The following MARK2 variants were observed in gnomAD, a reference collection of about 807,000 sequenced individuals.
MARK2 encodes serine/threonine-protein kinase MARK2.
Under a neutral mutation model 89.8 loss-of-function variants are expected in MARK2, and 16 were observed. The observed-to-expected ratio is 0.18, with a 90% CI of 0.12 to 0.27. The LOEUF (loss-of-function observed/expected upper bound fraction) is 0.27. Among genes scored for constraint, MARK2 ranks in the 10% least tolerant of loss-of-function variants. MARK2 has a pLI of 1.00. For synonymous variants in MARK2, 382 were observed against 399.5 expected, an observed-to-expected ratio of 0.96 and a Z score of 0.52; for missense variants, 621 against 1,049.9, an observed-to-expected ratio of 0.59 and a Z score of 5.65.
Position 63,902,796 on chromosome 11 carries a change from C to A in MARK2, c.1416+14C>A, listed in dbSNP as rs1275905101. 4 of 1,598,782 alleles carry A rather than the reference C, an allele frequency of 2.5e-6. No homozygotes were observed. Among genetic ancestry groups the A allele is most frequent in the East Asian group, 2.2e-5 (1 of 44,770 alleles). ...ACCCCCTCCACGGTGAGCCGCACCC[C>A]CCGCTCTCTCCTTCCTTCCTGCGGT... On this transcript the variant is annotated intron_variant, in intron 13 of 18. Coordinates refer to ENST00000402010, the MANE Select transcript of MARK2 (RefSeq NM_001039469.3). This position sits in a 1 kb window ranked among gnomAD's most constrained non-coding sequence, Gnocchi z 4.2.
intron 1 of MARK2, among the ~76,000 whole-genome samples, chr11:63,856,321 G>GT (rs1358748879): frequency 0.015 from 814 of 52,652 alleles, 10 homozygotes; most frequent in African/African-American, 0.023. Flanking sequence ...TTTTTTTTTT[G>GT]TTTTTTTTTT....
At chr11:63,862,030 TCTC>T (rs1466929874) in intron 1 of MARK2, among the ~76,000 whole-genome samples, 1 of 151,616 alleles carries the variant, frequency 6.6e-6, no homozygotes, top group Non-Finnish European at 1.5e-5. Context: ...TTCAAGCAAT[TCTC>T]CTGCCTCTGC....
rs376650389 is a variant in MARK2, at chr11:63,900,866, C to T, written c.975C>T (p.Asp325=). The change falls in exon 10 of 19, where the codon GAC becomes GAT. Residue 325 remains aspartate, a synonymous_variant. Coordinates refer to ENST00000402010, the MANE Select transcript of MARK2 (RefSeq NM_001039469.3). The surrounding 1 kb of genome is among the most constrained non-coding windows in gnomAD (Gnocchi z 4.7). ...PYVEPLPDYK[D]PRRTELMVSM... is the part of the protein sequence containing the mutation. ...TGGAGCCACTCCCTGACTACAAGGA[C>T]CCCCGGCGGACAGGTGAGGCTGTGC... 17 of 1,613,998 alleles carry T rather than the reference C, an allele frequency of 1.1e-5. No homozygotes were observed. The highest frequency in any genetic ancestry group is 1.4e-5 in the Non-Finnish European group (17 of 1,179,854).
Position 63,908,242 on chromosome 11 carries a change from C to A in MARK2, c.1962-18C>A. 1 of 1,555,360 alleles carries A rather than the reference C, an allele frequency of 6.4e-7. No individual in the cohort carries two copies. Among genetic ancestry groups the A allele is most frequent in the East Asian group, 2.4e-5 (1 of 41,462 alleles). ...GAGAGATCCCAGCACTAAACTCTCC[C>A]TCGCTCTGTTTTTTGAGGAACCTGA... is the stretch of plus-strand genomic sequence containing the variant. On this transcript the variant is annotated intron_variant, in intron 17 of 18. Coordinates refer to ENST00000402010, the MANE Select transcript of MARK2 (RefSeq NM_001039469.3).
chr11:63,886,685 A>G (rs1377994471), intron 1 of MARK2, among the ~76,000 whole-genome samples: 1 of 151,924 alleles, frequency 6.6e-6, no homozygotes, highest in Non-Finnish European at 1.5e-5. Context: ...CGGCCTCTCA[A>G]AGTGCTGGGA....
intron 1 of MARK2, among the ~76,000 whole-genome samples, chr11:63,859,601 A>C (rs1937630828): frequency 6.7e-6 from 1 of 149,986 alleles, no homozygotes; most frequent in Non-Finnish European, 1.5e-5. Context: ...TTACAGGCAC[A>C]AGCCCATGCC....
chr11:63,864,785 A>C (rs753864963), intron 1 of MARK2, among the ~76,000 whole-genome samples: 3 of 149,566 alleles, frequency 2.0e-5, no homozygotes, highest in Non-Finnish European at 3.0e-5. Flanking sequence ...CCAAGGTGAG[A>C]GGATCACTTG....
At chr11:63,840,730 C>G (rs2015971086) in intron 1 of MARK2, among the ~76,000 whole-genome samples, 1 of 152,180 alleles carries the variant, frequency 6.6e-6, no homozygotes, top group Non-Finnish European at 1.5e-5. Context: ...TGTGTATCCC[C>G]ACACCGTGCT....
chr11:63,880,098 G>C (rs1445350556), intron 1 of MARK2: 1 of 151,228 alleles, frequency 6.6e-6, no homozygotes, highest in Non-Finnish European at 1.5e-5. Context: ...TACCCAGGTA[G>C]AAAGACTGTT....
rs902610167 is a variant in MARK2, at chr11:63,902,047, A to AG, written c.1102-145dup. 6.6e-5 allele frequency: 48 copies of AG among 727,248 alleles called. No individual in the cohort carries two copies. In the South Asian group the frequency reaches 8.7e-4, roughly 13 times the overall value. 45.0% of individuals were successfully genotyped at this position (727,248 alleles called of 1,614,324 possible). A position where few individuals can be genotyped will look rare whatever the true frequency, so the allele number is the denominator to read the frequency against. ...CATGTGTGTCTCCAGGGTCTCCTCC[A>AG]GGGGGGATGTATTGGTCTTACAAGT... On this transcript the variant is annotated intron_variant, in intron 11 of 18. Coordinates refer to ENST00000402010, the MANE Select transcript of MARK2 (RefSeq NM_001039469.3). The surrounding 1 kb of genome is among the most constrained non-coding windows in gnomAD (Gnocchi z 4.2).
chr11:63,908,622 T>G (rs1402567090), intron 18 of MARK2, among the ~76,000 whole-genome samples: 2 of 152,170 alleles, frequency 1.3e-5, no homozygotes, highest in Non-Finnish European at 2.9e-5. Flanking sequence ...TCTGTGCTCG[T>G]GCTGTTGAGG....
intron 16 of MARK2, 36 bp from the exon 17 acceptor site, chr11:63,906,052 T>A: frequency 7.4e-7 from 1 of 1,356,852 alleles, no homozygotes; most frequent in South Asian, 2.1e-5. Flanking sequence ...TTTTATTTCT[T>A]TTTTTATTTT....
At chr11:63,847,413 G>T (rs1247794784) in intron 1 of MARK2, among the ~76,000 whole-genome samples, 10 of 152,172 alleles carry the variant, frequency 6.6e-5, no homozygotes, top group Admixed American at 3.3e-4. Context: ...GGAGGGCTGT[G>T]TTCAGTGACT....
chr11:63,873,890 G>A (rs1348015888), intron 1 of MARK2, among the ~76,000 whole-genome samples: 1 of 152,210 alleles, frequency 6.6e-6, no homozygotes, highest in Non-Finnish European at 1.5e-5. Flanking sequence ...CAGGTGATCC[G>A]CCTGCCTCGG....
chr11:63,868,249 G>C, intron 1 of MARK2, among the ~76,000 whole-genome samples: 1 of 152,190 alleles, frequency 6.6e-6, no homozygotes, highest in Admixed American at 6.5e-5. Context: ...AAAGTTAGCT[G>C]GGTGTGGTGG....
At chr11:63,887,963 T>C (rs1326454997) in intron 1 of MARK2, among the ~76,000 whole-genome samples, 1 of 152,122 alleles carries the variant, frequency 6.6e-6, no homozygotes, top group Non-Finnish European at 1.5e-5. Flanking sequence ...AAAAGGGACA[T>C]TTGGATTGTT....
chr11:63,908,497 C>T (rs928716579), intron 18 of MARK2, among the ~76,000 whole-genome samples, 193 bp downstream of exon 18: 2 of 152,224 alleles, frequency 1.3e-5, no homozygotes, highest in Non-Finnish European at 2.9e-5. Context: ...CCCTTCTCCT[C>T]AGGTCTGGTA....
chr11:63,880,828 G>A (rs1008624661), intron 1 of MARK2, among the ~76,000 whole-genome samples: 1 of 152,204 alleles, frequency 6.6e-6, no homozygotes, highest in East Asian at 1.9e-4. Context: ...AGGGGATCTC[G>A]TGGCTCATTA....
intron 1 of MARK2, among the ~76,000 whole-genome samples, chr11:63,882,888 T>G (rs1939180838): frequency 6.6e-6 from 1 of 152,154 alleles, no homozygotes; most frequent in South Asian, 2.1e-4. Flanking sequence ...TCAGCTGCAC[T>G]GGTTAGGATC....
Sources: gnomAD v4.1 joint callset for allele counts (sites outside exome capture counted in the v4.1 genomes callset) on GRCh38, gnomAD v4.1.1 for gene constraint, Gnocchi (gnomAD v3.1) non-coding constraint, MANE v1.5 for transcripts, NCBI Gene and HGNC (gene_info 2026-07-23, HGNC 2026-07-21) for gene names.